The following NSF variants were observed in gnomAD, a reference collection of about 807,000 sequenced individuals.
NSF encodes the protein vesicle-fusing ATPase.
A neutral mutation model predicts 50.3 loss-of-function variants in NSF; 14 were observed. The ratio of observed to expected loss-of-function variants is 0.28; its 90% confidence interval spans 0.18 to 0.44. NSF has a LOEUF of 0.44. Ranked by LOEUF, NSF falls within the 20% of genes least tolerant of loss-of-function variation. The probability of loss-of-function intolerance (pLI) is 1.00; values close to 1 mark genes in which losing one functional copy is unlikely to be tolerated. For synonymous variants in NSF, 109 were observed against 175.7 expected, an observed-to-expected ratio of 0.62 and a Z score of 3.00; for missense variants, 218 against 504.3, an observed-to-expected ratio of 0.43 and a Z score of 5.44.
In NSF at chr17:46,711,008, G is replaced by T. The variant is rs376914472; in HGVS notation, c.1516G>T (p.Gly506Cys). 1.9e-5 allele frequency: 31 copies of T among 1,596,420 alleles called. No homozygotes were observed. The highest frequency in any genetic ancestry group is 2.2e-5 in the Non-Finnish European group (26 of 1,174,902). ...QEDYASYIMN[G>C]IIKWGDPVTR... ...AGATTATGCAAGTTACATTATGAAC[G>T]GTATCATCAAATGGGGTGACCCAGT... Residue 506 changes from glycine to cysteine, a missense_variant, in exon 14 of 21, where the codon GGT (glycine) becomes TGT (cysteine). Physicochemically the swap from Gly to Cys is radical, Grantham distance 159. This residue lies in a region of NSF where 209 missense variants were observed against 320.9 expected (regional missense o/e 0.65). Transcript: ENST00000398238.
At chr17:46,735,115 C>T (rs1009079112) in intron 17 of NSF, among the ~76,000 whole-genome samples, 21 of 152,082 alleles carry the variant, frequency 1.4e-4, no homozygotes, top group African/African-American at 5.1e-4. Context: ...CAGATATCTG[C>T]TGAATAAAAT....
chr17:46,708,488 AT>A lies in NSF; in HGVS notation c.1471-2474del, dbSNP rs1442725314. ...TATGCTTATCAACCATTTGTTACATATCCTTTTTTTTTTTTTTTTTTTTGAG... is the reference window on the plus strand; with the variant it reads ...TATGCTTATCAACCATTTGTTACATACCTTTTTTTTTTTTTTTTTTTTGAG... On this transcript the variant is annotated intron_variant, in intron 13 of 20. Transcript: ENST00000398238. Among the ~76,000 whole-genome samples the A allele has an allele frequency of 1.1e-3, 153 of 140,706 alleles. 4 individuals are homozygous for A. In the East Asian group the frequency reaches 0.025, roughly 23 times the overall value. 92.3% of individuals were successfully genotyped at this position (140,706 alleles called of 152,430 possible).
At chr17:46,723,059 T>G (rs16941147) in intron 15 of NSF, among the ~76,000 whole-genome samples, 7,047 of 152,280 alleles carry the variant, frequency 0.046, 537 homozygotes, top group African/African-American at 0.16. Flanking sequence ...TGGAATGCTT[T>G]GTGAATTACA....
Position 46,756,240 on chromosome 17 carries a change from G to A in NSF, c.*417G>A, listed in dbSNP as rs1246223955. ...AGGCAGACTTTCTACATGCAAATCT[G>A]GCTTAGTAAATCGAGGTGTGGGCCA... is the stretch of plus-strand genomic sequence containing the variant. On this transcript the variant is annotated 3_prime_UTR_variant, in exon 21 of 21. Transcript: ENST00000398238. 6.3e-6 allele frequency: 1 copy of A among 158,516 alleles called. No individual in the cohort carries two copies. Among genetic ancestry groups the A allele is most frequent in the African/African-American group, 2.4e-5 (1 of 41,646 alleles). 9.8% of individuals were successfully genotyped at this position (158,516 alleles called of 1,614,324 possible).
At chr17:46,752,567 C>T (rs537675145) in intron 19 of NSF, among the ~76,000 whole-genome samples, 9 of 152,252 alleles carry the variant, frequency 5.9e-5, no homozygotes, top group African/African-American at 1.2e-4. Flanking sequence ...GCGTTCCTCC[C>T]GTCTCAGCCT....
At chr17:46,635,777 A>G (rs867832018) in intron 4 of NSF, among the ~76,000 whole-genome samples, 2 of 116,702 alleles carry the variant, frequency 1.7e-5, no homozygotes, top group Non-Finnish European at 3.8e-5. Context: ...GGGAAAATAA[A>G]TGTGTGTGTG....
At chr17:46,609,144 G>A (rs1304477598) in intron 1 of NSF, among the ~76,000 whole-genome samples, 1 of 147,538 alleles carries the variant, frequency 6.8e-6, no homozygotes, top group Non-Finnish European at 1.5e-5. Context: ...GACTAGGAGC[G>A]GGCAGTATGG....
chr17:46,661,329 C>T (rs2058297784), intron 8 of NSF, among the ~76,000 whole-genome samples: 1 of 151,182 alleles, frequency 6.6e-6, no homozygotes, highest in East Asian at 2.0e-4. Context: ...GGATCTTAGC[C>T]ATCTAGTGCA....
intron 17 of NSF, 54 bp from the exon 18 acceptor site, chr17:46,749,719 T>C: frequency 6.7e-7 from 1 of 1,489,962 alleles, no homozygotes; most frequent in South Asian, 1.4e-5. Flanking sequence ...CTTACTGTAG[T>C]TTCCTAATTA....
chr17:46,729,066 C>A, intron 17 of NSF, 132 bp downstream of exon 17: 1 of 576,366 alleles, frequency 1.7e-6, no homozygotes, highest in South Asian at 2.8e-5. Context: ...TTTGAAAGGT[C>A]GTCCAGTCTT....
At chr17:46,726,512 G>C (rs762053337) in intron 15 of NSF, 37 bp from the exon 16 acceptor site, 28 of 1,584,488 alleles carry the variant, frequency 1.8e-5, no homozygotes, top group Non-Finnish European at 8.7e-7. Flanking sequence ...TAACTGTGGA[G>C]GACAGTGAGA....
chr17:46,734,630 T>G (rs1433045803), intron 17 of NSF, among the ~76,000 whole-genome samples: 1 of 152,134 alleles, frequency 6.6e-6, no homozygotes, highest in Non-Finnish European at 1.5e-5. Context: ...TAATGTATAG[T>G]GAATGTATAG....
chr17:46,751,710 A>T, intron 19 of NSF, 94 bp downstream of exon 19: 1 of 683,052 alleles, frequency 1.5e-6, no homozygotes, highest in East Asian at 3.0e-5. Context: ...GTTTTAATTA[A>T]TTTAAGTTTT....
chr17:46,734,905 G>T (rs2058985420), intron 17 of NSF, among the ~76,000 whole-genome samples: 1 of 152,066 alleles, frequency 6.6e-6, no homozygotes, highest in South Asian at 2.1e-4. Context: ...AAAAAAGTTA[G>T]TCGAATGTGG....
chr17:46,708,265 C>T (rs1296172967), intron 13 of NSF, among the ~76,000 whole-genome samples: 1 of 152,082 alleles, frequency 6.6e-6, no homozygotes, highest in African/African-American at 2.4e-5. Context: ...TGAGGGACCA[C>T]CATACCGTTT....
chr17:46,713,700 A>C (rs1284772326), intron 14 of NSF, among the ~76,000 whole-genome samples, 153 bp from the exon 15 acceptor site: 1 of 152,244 alleles, frequency 6.6e-6, no homozygotes, highest in African/African-American at 2.4e-5. Context: ...CTAATAAATA[A>C]GAGAAAACAT....
At chr17:46,747,303 CAG>C (rs1237954067) in intron 17 of NSF, among the ~76,000 whole-genome samples, 5 of 152,160 alleles carry the variant, frequency 3.3e-5, no homozygotes, top group Non-Finnish European at 5.9e-5. Context: ...TTTTTTGAGA[CAG>C]AGTCTCACTT....
intron 17 of NSF, among the ~76,000 whole-genome samples, chr17:46,737,633 G>A (rs913501886): frequency 6.6e-6 from 1 of 151,802 alleles, no homozygotes; most frequent in Non-Finnish European, 1.5e-5. Context: ...GCTAACTGGT[G>A]TCCCTGTCAC....
chr17:46,708,000 G>A (rs1056253159), intron 13 of NSF, among the ~76,000 whole-genome samples: 4 of 147,308 alleles, frequency 2.7e-5, no homozygotes, highest in Admixed American at 1.4e-4. Flanking sequence ...GCCACTGCAC[G>A]CCAGCCTGGT....
Sources: allele counts gnomAD v4.1 joint callset (sites outside exome capture counted in the v4.1 genomes callset), GRCh38; gene constraint gnomAD v4.1.1; regional missense constraint gnomAD v4.1.1; transcripts MANE v1.5; gene names NCBI Gene and HGNC (gene_info 2026-07-23, HGNC 2026-07-21).